OPRM1: variants seen among roughly 807,000 people sequenced by gnomAD.
OPRM1 encodes the protein opioid receptor mu 1, also known as mu-type opioid receptor.
A neutral mutation model predicts 31.8 loss-of-function variants in OPRM1; 27 were observed. The ratio of observed to expected loss-of-function variants is 0.85; its 90% CI spans 0.63 to 1.17. The LOEUF is 1.17. Ranked by LOEUF, OPRM1 falls within the 50% of genes most tolerant of loss-of-function variation. The pLI is 0.00. For missense variants in OPRM1, 536 were observed against 511.1 expected (o/e 1.05, Z -0.47); for synonymous variants, 196 against 189.9 (o/e 1.03, Z -0.26).
intron 3 of OPRM1, among the ~76,000 whole-genome samples, chr6:154,110,907 AAAGAG>A (rs140253197): frequency 0.12 from 15,908 of 137,942 alleles, 543 homozygotes; most frequent in Non-Finnish European, 0.17. Flanking sequence ...AAAAAAAAAA[AAAGAG>A]AGAATTAGGA....
At chr6:154,165,286 C>G (rs1458093441) in intron 3 of OPRM1, among the ~76,000 whole-genome samples, 1 of 152,138 alleles carries the variant, frequency 6.6e-6, no homozygotes. Flanking sequence ...ATTCACATCC[C>G]CTCTCAGTCC....
At chr6:154,099,971 GAT>G (rs991141283) in intron 3 of OPRM1, among the ~76,000 whole-genome samples, 4 of 131,674 alleles carry the variant, frequency 3.0e-5, no homozygotes, top group African/African-American at 1.2e-4. Flanking sequence ...ATCATATTAC[GAT>G]ATATATCATA....
At chr6:154,023,548 T>G (rs1012921333) in intron 1 of OPRM1, among the ~76,000 whole-genome samples, 1 of 152,184 alleles carries the variant, frequency 6.6e-6, no homozygotes, top group Admixed American at 6.5e-5. Context: ...TTTCTTTCTC[T>G]TGTCTGATTG....
chr6:154,063,253 T>C (rs972982121), intron 1 of OPRM1, among the ~76,000 whole-genome samples: 3 of 152,012 alleles, frequency 2.0e-5, no homozygotes, highest in Non-Finnish European at 4.4e-5. Flanking sequence ...AAGTTACTAC[T>C]AGAATTTTTG....
intron 1 of OPRM1, among the ~76,000 whole-genome samples, chr6:154,016,911 A>T (rs1369395660): frequency 1.3e-5 from 2 of 152,324 alleles, no homozygotes; most frequent in African/African-American, 4.8e-5. Context: ...AAACAAACAG[A>T]AAAAACCCAC....
At chr6:154,066,625 G>A (rs1266484311) in intron 1 of OPRM1, among the ~76,000 whole-genome samples, 1 of 152,024 alleles carries the variant, frequency 6.6e-6, no homozygotes, top group African/African-American at 2.4e-5. Flanking sequence ...CAATGATGGG[G>A]TACTAATGAG....
intron 3 of OPRM1, among the ~76,000 whole-genome samples, chr6:154,192,823 G>A (rs1190624026): frequency 6.6e-6 from 1 of 152,126 alleles, no homozygotes; most frequent in East Asian, 1.9e-4. Flanking sequence ...ACCATAATGT[G>A]ATACCACCTT....
intron 3 of OPRM1, among the ~76,000 whole-genome samples, chr6:154,188,432 C>A (rs2128577717): frequency 6.6e-6 from 1 of 152,286 alleles, no homozygotes; most frequent in African/African-American, 2.4e-5. Flanking sequence ...CTGTTTCCCC[C>A]AGATTGAATC....
chr6:154,061,717 C>G (rs1234143880), intron 1 of OPRM1, among the ~76,000 whole-genome samples: 1 of 151,808 alleles, frequency 6.6e-6, no homozygotes, highest in Non-Finnish European at 1.5e-5. Context: ...TTATCAGGCA[C>G]TATGCTCACT....
chr6:154,022,724 G>T (rs537185483), intron 1 of OPRM1, among the ~76,000 whole-genome samples: 1 of 152,282 alleles, frequency 6.6e-6, no homozygotes, highest in Admixed American at 6.5e-5. Flanking sequence ...TTTGATTTTT[G>T]TATATGGTGA....
At chr6:154,137,381 C>T (rs1333681520) in intron 3 of OPRM1, among the ~76,000 whole-genome samples, 1 of 152,022 alleles carries the variant, frequency 6.6e-6, no homozygotes, top group African/African-American at 2.4e-5. Context: ...TTGTGCAAGA[C>T]TAATAAATTA....
At chr6:154,109,792 CTGTG>C (rs377400514) in intron 3 of OPRM1, among the ~76,000 whole-genome samples, 18,390 of 99,482 alleles carry the variant, frequency 0.18, 1,549 homozygotes, top group Non-Finnish European at 0.26. Context: ...CTCTCTCTCT[CTGTG>C]TGTGTGTGTG....
chr6:154,113,975 C>A (rs1796602123), intron 3 of OPRM1, among the ~76,000 whole-genome samples: 1 of 152,122 alleles, frequency 6.6e-6, no homozygotes, highest in South Asian at 2.1e-4. Context: ...CCAAGGGGTA[C>A]CTCCAGGTGG....
intron 3 of OPRM1, among the ~76,000 whole-genome samples, chr6:154,166,357 G>A (rs1188233476): frequency 1.3e-5 from 2 of 152,240 alleles, no homozygotes; most frequent in Admixed American, 6.5e-5. Context: ...TGGAAGGCCT[G>A]AGGCCACAGC....
chr6:154,174,598 G>T (rs1452169038), intron 3 of OPRM1, among the ~76,000 whole-genome samples: 1 of 152,128 alleles, frequency 6.6e-6, no homozygotes, highest in Non-Finnish European at 1.5e-5. Flanking sequence ...ATGGTAAAGA[G>T]CTCAATTCAA....
chr6:154,172,732 C>A (rs1264469333), intron 3 of OPRM1, among the ~76,000 whole-genome samples: 1 of 152,264 alleles, frequency 6.6e-6, no homozygotes, highest in Non-Finnish European at 1.5e-5. Flanking sequence ...GGGGGCAGGG[C>A]ATATCTGAAC....
At chr6:154,048,060 C>T (rs967139070) in intron 1 of OPRM1, among the ~76,000 whole-genome samples, 3 of 152,176 alleles carry the variant, frequency 2.0e-5, no homozygotes, top group Non-Finnish European at 4.4e-5. Flanking sequence ...CCAAAGGCCC[C>T]ACCTCCAAAT....
Position 154,126,863 on chromosome 6 carries a change from G to A in OPRM1, c.*8142G>A, listed in dbSNP as rs578038011. Reference sequence around the variant, plus strand: ...GCGGTGGCTCACGCCTGTAATTCCAGCACTTTGGGAGGCCGAGGCGGGCGG... The same window carrying A: ...GCGGTGGCTCACGCCTGTAATTCCAACACTTTGGGAGGCCGAGGCGGGCGG... On this transcript the variant is annotated 3_prime_UTR_variant, in exon 4 of 4. Transcript: ENST00000330432. Among the ~76,000 whole-genome samples, 34 of 152,258 alleles carry A rather than the reference G, an allele frequency of 2.2e-4. No homozygotes were observed. Among genetic ancestry groups the A allele is most frequent in the African/African-American group, 6.5e-4 (27 of 41,546 alleles).
At chr6:154,037,082 C>T (rs954086580), upstream of OPRM1, among the ~76,000 whole-genome samples, 1 of 151,906 alleles carries the variant, frequency 6.6e-6, no homozygotes, top group Non-Finnish European at 1.5e-5. Flanking sequence ...CAAGATGTAA[C>T]TTAAAAGTAA....
Sources: allele counts gnomAD v4.1 joint callset (sites outside exome capture counted in the v4.1 genomes callset), GRCh38; gene constraint gnomAD v4.1.1; transcripts MANE v1.5; gene names NCBI Gene and HGNC (gene_info 2026-07-23, HGNC 2026-07-21).